Variants in LRP2BP observed in about 807,000 individuals in gnomAD.
LRP2BP encodes LRP2 binding protein, also known as LRP2-binding protein.
Under a neutral mutation model 45.2 loss-of-function variants are expected in LRP2BP, and 38 were observed. That is an observed-to-expected ratio of 0.84 (90% CI 0.65 to 1.10). LRP2BP has a LOEUF of 1.10. Ranked by LOEUF, LRP2BP falls within the 50% of genes least tolerant of loss-of-function variation. LRP2BP has a pLI of 0.00. For missense variants in LRP2BP, 385 were observed against 418.9 expected, an observed-to-expected ratio of 0.92 and a Z score of 0.71; for synonymous variants, 153 against 153.9, an observed-to-expected ratio of 0.99 and a Z score of 0.04.
chr4:185,387,130 A>G (rs1018122165), intron 1 of LRP2BP, among the ~76,000 whole-genome samples: 1 of 151,832 alleles, frequency 6.6e-6, no homozygotes, highest in Non-Finnish European at 1.5e-5. Flanking sequence ...CTGTCATCCC[A>G]GCTACTCGGG....
intron 4 of LRP2BP, among the ~76,000 whole-genome samples, chr4:185,375,184 G>T (rs921474218): frequency 6.6e-5 from 10 of 151,218 alleles, no homozygotes; most frequent in African/African-American, 2.4e-4. Flanking sequence ...CATGATCTTG[G>T]CTCACTGCAG....
chr4:185,396,768 C>A (rs2095504464), upstream of LRP2BP: 2 of 769,138 alleles, frequency 2.6e-6, no homozygotes, highest in East Asian at 2.5e-5. Context: ...GTAACCGGAG[C>A]TGGGGCGCGG....
chr4:185,393,864 T>TAGTACTAGGTAAACC (rs1383982066), intron 1 of LRP2BP, among the ~76,000 whole-genome samples: 9 of 152,172 alleles, frequency 5.9e-5, no homozygotes, highest in Non-Finnish European at 1.2e-4. Flanking sequence ...AGTACTAGGT[T>TAGTACTAGGTAAACC]TAGTATTGCG....
intron 3 of LRP2BP, 21 bp downstream of exon 3, chr4:185,376,888 C>T (rs776457596): frequency 7.7e-6 from 12 of 1,552,444 alleles, no homozygotes; most frequent in Non-Finnish European, 1.1e-5. Flanking sequence ...GAAATGAAAA[C>T]GAATAAACAA....
At chr4:185,395,952 C>T, upstream of LRP2BP, 2 of 960,968 alleles carry the variant, frequency 2.1e-6, no homozygotes, top group Non-Finnish European at 2.5e-6. Context: ...TCAGTAGCTG[C>T]CATCGGAAGT....
intron 1 of LRP2BP, among the ~76,000 whole-genome samples, chr4:185,389,310 G>A (rs1057194320): frequency 2.6e-5 from 4 of 151,672 alleles, no homozygotes; most frequent in Non-Finnish European, 4.4e-5. Flanking sequence ...CCAGGTTCAC[G>A]TGATTCTCCC....
chr4:185,397,044 G>C (rs923345002), upstream of LRP2BP: 11 of 1,609,060 alleles, frequency 6.8e-6, no homozygotes, highest in Admixed American at 1.7e-4. Context: ...ACCACTGGGC[G>C]CTGCCTGGTC....
intron 1 of LRP2BP, among the ~76,000 whole-genome samples, chr4:185,387,291 C>A (rs1367654340): frequency 6.6e-6 from 1 of 152,108 alleles, no homozygotes; most frequent in African/African-American, 2.4e-5. Flanking sequence ...TATATAAGGC[C>A]GTATCCGAAA....
chr4:185,388,360 T>C (rs997467730), intron 1 of LRP2BP, among the ~76,000 whole-genome samples: 7 of 150,414 alleles, frequency 4.7e-5, no homozygotes, highest in Non-Finnish European at 1.0e-4. Context: ...TATAGCCATG[T>C]CCCGGGGTCT....
chr4:185,396,662 C>A, upstream of LRP2BP: 1 of 503,858 alleles, frequency 2.0e-6, no homozygotes, highest in Non-Finnish European at 3.5e-6. Flanking sequence ...CCTCCCCCTG[C>A]CCCCGGCGCC....
intron 4 of LRP2BP, 109 bp from the exon 5 acceptor site, chr4:185,374,570 T>A (rs2095426907): frequency 1.7e-6 from 2 of 1,180,224 alleles, no homozygotes. Flanking sequence ...CGATGTATAA[T>A]ACTATGAATC....
chr4:185,385,907 G>C (rs990752150), intron 1 of LRP2BP, among the ~76,000 whole-genome samples: 1 of 76,858 alleles, frequency 1.3e-5, no homozygotes, highest in African/African-American at 3.6e-5. Flanking sequence ...TCTCGGGGAG[G>C]GGGGGGGGGA....
chr4:185,393,940 TA>T (rs2095495069), intron 1 of LRP2BP, among the ~76,000 whole-genome samples: 1 of 152,202 alleles, frequency 6.6e-6, no homozygotes, highest in Non-Finnish European at 1.5e-5. Context: ...TTGTTTTTTC[TA>T]TGGATTACAA....
At position 185,395,124 on chromosome 4, in the gene LRP2BP, G is replaced by A. The variant is rs1001194878; in HGVS notation, c.-367C>T. The A allele has an allele frequency of 2.0e-5, 20 of 985,202 alleles. No homozygotes were observed. In the African/African-American group the frequency reaches 2.8e-4, roughly 14 times the overall value. 61.0% of individuals were successfully genotyped at this position (985,202 alleles called of 1,614,324 possible). On this transcript the variant is annotated 5_prime_UTR_variant, in exon 1 of 9. Transcript: ENST00000505916. ...CTGAAAACAATGTGAGCAATGGACA[G>A]GTACGCTGTGATTAAAGGGAGAAAA...
At chr4:185,391,501 C>T (rs145343347) in intron 1 of LRP2BP, among the ~76,000 whole-genome samples, 73 of 152,264 alleles carry the variant, frequency 4.8e-4, no homozygotes, top group African/African-American at 1.7e-3. Context: ...TCTCCCATCT[C>T]CCATTTATTT....
chr4:185,391,887 T>G (rs2095489277), intron 1 of LRP2BP, among the ~76,000 whole-genome samples: 1 of 152,226 alleles, frequency 6.6e-6, no homozygotes, highest in Non-Finnish European at 1.5e-5. Flanking sequence ...AGCTAGGACA[T>G]ATGTATATGC....
intron 1 of LRP2BP, among the ~76,000 whole-genome samples, chr4:185,381,341 G>C (rs1289587705): frequency 6.6e-6 from 1 of 152,082 alleles, no homozygotes; most frequent in East Asian, 1.9e-4. Context: ...ACTTTGGGTA[G>C]CTTCTGTTTT....
At chr4:185,383,621 C>T (rs1300908163) in intron 1 of LRP2BP, among the ~76,000 whole-genome samples, 1 of 152,238 alleles carries the variant, frequency 6.6e-6, no homozygotes, top group Non-Finnish European at 1.5e-5. Flanking sequence ...TGGCATTTGG[C>T]TGACATCAGG....
In LRP2BP at chr4:185,366,117, A is replaced by G. The variant is rs2126771292; in HGVS notation, c.*1063T>C. 6.6e-6 allele frequency: 1 copy of G among 152,336 alleles called. No homozygotes were observed. The highest frequency in any genetic ancestry group is 6.5e-5 in the Admixed American group (1 of 15,294). 9.4% of individuals were successfully genotyped at this position (152,336 alleles called of 1,614,324 possible). On this transcript the variant is annotated 3_prime_UTR_variant, in exon 9 of 9. Transcript: ENST00000505916. ...AAGGAATAGTTAAGGTATCTCTGAG[A>G]CCTGTCTTCGATATGTATATTTGTT...
Sources: allele counts gnomAD v4.1 joint callset (sites outside exome capture counted in the v4.1 genomes callset), GRCh38; gene constraint gnomAD v4.1.1; transcripts MANE v1.5; gene names NCBI Gene and HGNC (gene_info 2026-07-23, HGNC 2026-07-21).